The following CNGB1 variants were observed in gnomAD, a reference collection of about 807,000 sequenced individuals.
CNGB1 encodes cyclic nucleotide-gated channel beta-1.
A neutral mutation model predicts 151.7 loss-of-function variants in CNGB1; 126 were observed. That is an observed-to-expected ratio of 0.83 (90% CI 0.72 to 0.96). The LOEUF (loss-of-function observed/expected upper bound fraction) is 0.96, where lower values mean the gene tolerates loss of function less well. Among genes scored for constraint, CNGB1 ranks in the 40% least tolerant of loss-of-function variants. The pLI is 0.00. For missense variants in CNGB1, 1,698 were observed against 1,627.0 expected (o/e 1.04, Z -0.75); for synonymous variants, 623 against 635.1 (o/e 0.98, Z 0.29).
intron 3 of CNGB1, 42 bp from the exon 4 acceptor site, chr16:57,964,244 C>T (rs749246304): frequency 1.4e-5 from 22 of 1,589,286 alleles, no homozygotes; most frequent in African/African-American, 2.7e-5. Context: ...GGGCCTCAGA[C>T]AGGCCCATTT....
intron 2 of CNGB1, among the ~76,000 whole-genome samples, chr16:57,964,974 A>G (rs758612865): frequency 1.3e-4 from 20 of 152,126 alleles, no homozygotes; most frequent in Non-Finnish European, 2.8e-4. Flanking sequence ...CAAACTTTCC[A>G]TTCCTCCCTA....
At chr16:57,925,907 C>T (rs1477916751) in intron 17 of CNGB1, among the ~76,000 whole-genome samples, 2 of 152,098 alleles carry the variant, frequency 1.3e-5, no homozygotes, top group South Asian at 2.1e-4. Flanking sequence ...AGGCTGGTCT[C>T]GAACTCCTGA....
At chr16:57,967,103 C>A (rs1401444858) in intron 2 of CNGB1, 25 bp downstream of exon 2, 1 of 1,613,902 alleles carries the variant, frequency 6.2e-7, no homozygotes, top group Admixed American at 1.7e-5. Context: ...GGCCGGCCTG[C>A]CCCTCCTCCC....
At chr16:57,962,672 G>A (rs372873354) in intron 6 of CNGB1, 62 bp from the exon 7 acceptor site, 50 of 1,585,558 alleles carry the variant, frequency 3.2e-5, no homozygotes, top group Non-Finnish European at 4.3e-5. Context: ...AGCCCCCTGG[G>A]CAGCCTGGAG....
At chr16:57,899,185 T>G (rs566704334) in intron 29 of CNGB1, among the ~76,000 whole-genome samples, 1 of 152,288 alleles carries the variant, frequency 6.6e-6, no homozygotes, top group Admixed American at 6.5e-5. Context: ...CATGCATGAA[T>G]GAATAGCTTG....
At chr16:57,901,319 C>T (rs1188228127) in intron 29 of CNGB1, 33 bp downstream of exon 29, 3 of 1,607,784 alleles carry the variant, frequency 1.9e-6, no homozygotes, top group Non-Finnish European at 1.7e-6. Flanking sequence ...ATGGTGAACC[C>T]CAGATCCCGT....
At chr16:57,918,245 G>T (rs745659781) in intron 20 of CNGB1, among the ~76,000 whole-genome samples, 4 of 152,050 alleles carry the variant, frequency 2.6e-5, no homozygotes, top group Non-Finnish European at 5.9e-5. Context: ...ACAGTGCTGG[G>T]ATTACAGGTG....
intron 25 of CNGB1, among the ~76,000 whole-genome samples, chr16:57,905,875 A>G (rs1029004266): frequency 6.6e-6 from 1 of 152,270 alleles, no homozygotes; most frequent in Non-Finnish European, 1.5e-5. Flanking sequence ...CTTCCAGCAC[A>G]GTGAAAAATA....
chr16:57,961,662 A>G (rs796668970), intron 7 of CNGB1, among the ~76,000 whole-genome samples: 2 of 144,300 alleles, frequency 1.4e-5, no homozygotes, highest in South Asian at 2.3e-4. Flanking sequence ...GAATGAATGA[A>G]TGAATGAGTG....
chr16:57,884,011 G>T lies in CNGB1; in HGVS notation c.*153C>A. On this transcript the variant is annotated 3_prime_UTR_variant, in exon 33 of 33. Transcript: ENST00000251102. ...GCTGAGTCGGGGCTGGCGTGCTGGC[G>T]GGACGGTCAGAGCTGCAGCCACTGA... 9.3e-7 allele frequency: 1 copy of T among 1,071,682 alleles called. No homozygotes were observed. The highest frequency in any genetic ancestry group is 1.4e-6 in the Non-Finnish European group (1 of 721,078). 66.4% of individuals were successfully genotyped at this position (1,071,682 alleles called of 1,614,324 possible).
intron 22 of CNGB1, among the ~76,000 whole-genome samples, chr16:57,915,894 T>A (rs1311361996): frequency 8.3e-6 from 1 of 120,992 alleles, no homozygotes; most frequent in Admixed American, 8.2e-5. Context: ...TTAGACCCTG[T>A]CTCAAAAAAA....
At position 57,884,344 on chromosome 16, in the gene CNGB1, G is replaced by A. The variant is rs752493968; in HGVS notation, c.3576C>T (p.Pro1192=). 3.9e-6 allele frequency: 6 copies of A among 1,548,818 alleles called. No individual in the cohort carries two copies. Among genetic ancestry groups the A allele is most frequent in the African/African-American group, 3.3e-5 (2 of 61,036 alleles). Residue 1192 remains proline, a synonymous_variant, in exon 33 of 33, where the codon CCC becomes CCT. Coordinates refer to ENST00000251102, the MANE Select transcript of CNGB1 (RefSeq NM_001297.5). ...GTGGAGAGCTCGGTGGAGACCCCGGGGGCTCGGGGGGCGTCCGGGGCGCGG... is the reference window on the plus strand; with the variant it reads ...GTGGAGAGCTCGGTGGAGACCCCGGAGGCTCGGGGGGCGTCCGGGGCGCGG... ...DPPAPRTPPE[P]PGSPPSSPPP...
intron 17 of CNGB1, 148 bp downstream of exon 17, chr16:57,931,568 G>A (rs931830684): frequency 1.1e-6 from 1 of 901,578 alleles, no homozygotes; most frequent in Non-Finnish European, 1.8e-6. Context: ...AGGAAAACGA[G>A]GAAGGGGCAT....
At chr16:57,952,466 A>C (rs1382319162) in intron 12 of CNGB1, among the ~76,000 whole-genome samples, 2 of 94,054 alleles carry the variant, frequency 2.1e-5, no homozygotes, top group Non-Finnish European at 4.5e-5. Flanking sequence ...GGTCCTATTT[A>C]GTGCGTGGGT....
chr16:57,934,468 A>G (rs1450751889), intron 16 of CNGB1, among the ~76,000 whole-genome samples: 1 of 152,150 alleles, frequency 6.6e-6, no homozygotes. Context: ...AAATGGAAGT[A>G]ATGTTCTTAC....
chr16:57,935,435 T>C (rs1961481606), intron 16 of CNGB1, among the ~76,000 whole-genome samples: 1 of 152,102 alleles, frequency 6.6e-6, no homozygotes, highest in Non-Finnish European at 1.5e-5. Context: ...CTCCCAGCAC[T>C]TTGGGAGGCT....
intron 14 of CNGB1, among the ~76,000 whole-genome samples, chr16:57,948,562 C>A (rs989083248): frequency 5.3e-5 from 8 of 152,184 alleles, no homozygotes; most frequent in Admixed American, 5.2e-4. Flanking sequence ...ATCTCCCCAA[C>A]CTCTGGTCTT....
At chr16:57,892,005 G>A (rs994163378) in intron 31 of CNGB1, among the ~76,000 whole-genome samples, 3 of 151,042 alleles carry the variant, frequency 2.0e-5, no homozygotes, top group South Asian at 4.2e-4. Flanking sequence ...AACATGAGAC[G>A]GCACTTCAGC....
intron 31 of CNGB1, among the ~76,000 whole-genome samples, chr16:57,890,677 T>C (rs1449433974): frequency 1.3e-5 from 2 of 152,238 alleles, no homozygotes; most frequent in Admixed American, 6.5e-5. Context: ...GCCGGAGATC[T>C]CAGCACTTCA....
Sources: gnomAD v4.1 joint callset for allele counts (sites outside exome capture counted in the v4.1 genomes callset) on GRCh38, gnomAD v4.1.1 for gene constraint, MANE v1.5 for transcripts, NCBI Gene and HGNC (gene_info 2026-07-23, HGNC 2026-07-21) for gene names.